Variants in C22orf42 observed in about 807,000 individuals in gnomAD.
The protein encoded by C22orf42 is chromosome 22 open reading frame 42, also known as uncharacterized protein C22orf42.
Under a neutral mutation model 31.4 loss-of-function variants are expected in C22orf42, and 24 were observed. That is an observed-to-expected ratio of 0.77 (90% CI 0.55 to 1.08). C22orf42 has a LOEUF of 1.08. Among genes scored for constraint, C22orf42 ranks in the 50% least tolerant of loss-of-function variants. The probability of loss-of-function intolerance (pLI) is 0.00; values close to 1 mark genes in which losing one functional copy is unlikely to be tolerated. For synonymous variants in C22orf42, 96 were observed against 112.7 expected, an observed-to-expected ratio of 0.85 and a Z score of 0.94; for missense variants, 276 against 327.3, an observed-to-expected ratio of 0.84 and a Z score of 1.21.
At chr22:32,151,112 A>G (rs2035033920) in intron 5 of C22orf42, 93 bp from the exon 6 acceptor site, 1 of 1,322,652 alleles carries the variant, frequency 7.6e-7, no homozygotes, top group Admixed American at 2.0e-5. Context: ...GTGAAATAAA[A>G]AACCGGATGT....
chr22:32,150,563 A>G, intron 6 of C22orf42, 84 bp from the exon 7 acceptor site: 1 of 1,442,880 alleles, frequency 6.9e-7, no homozygotes, highest in Non-Finnish European at 9.7e-7. Context: ...CCAGGGCTGG[A>G]TCATGTGCAG....
Position 32,151,546 on chromosome 22 carries a change from T to G in C22orf42, c.406A>C (p.Thr136Pro), listed in dbSNP as rs1233649958. The G allele has an allele frequency of 6.2e-7, 1 of 1,613,684 alleles. No homozygotes were observed. The highest frequency in any genetic ancestry group is 8.5e-7 in the Non-Finnish European group (1 of 1,179,672). Residue 136 changes from threonine to proline, a missense_variant, in exon 5 of 9, where the codon ACT becomes CCT. By Grantham distance (38) the Thr-to-Pro change is conservative. Coordinates refer to ENST00000382097, the MANE Select transcript of C22orf42 (RefSeq NM_001010859.3). ...IPEAKHDHRP[T>P]EDVQVSAHGG... ...TGTGCAGACACCTGCACATCTTCAG[T>G]GGGACCTAGGAGAACACAGAGTGAC...
chr22:32,151,250 A>G (rs1383101631), intron 5 of C22orf42, among the ~76,000 whole-genome samples: 3 of 151,998 alleles, frequency 2.0e-5, no homozygotes, highest in Non-Finnish European at 4.4e-5. Flanking sequence ...TTTCAAGGAG[A>G]AAAGGTTGCT....
chr22:32,152,005 G>A, intron 4 of C22orf42, 62 bp downstream of exon 4: 3 of 1,476,506 alleles, frequency 2.0e-6, no homozygotes, highest in Non-Finnish European at 2.8e-6. Flanking sequence ...TACGTTAAAT[G>A]AGTGAATTGT....
In C22orf42 at chr22:32,154,188, T is replaced by C. The variant is rs1416656082; in HGVS notation, c.307+56A>G. The C allele has an allele frequency of 1.6e-4, 250 of 1,599,142 alleles. 3 individuals carry two copies. Among genetic ancestry groups the C allele is most frequent in the South Asian group, 1.1e-3 (100 of 88,406 alleles). On this transcript the variant is annotated intron_variant, in intron 2 of 8. Coordinates refer to ENST00000382097, the MANE Select transcript of C22orf42 (RefSeq NM_001010859.3). ...AGTTTCTCTAATATGGAGCACTGAA[T>C]GAATAAACTGGAATTGTTTGCTTAA...
chr22:32,149,667 A>C (rs192373601), intron 8 of C22orf42, 54 bp from the exon 9 acceptor site: 35,126 of 1,236,032 alleles, frequency 0.028, 599 homozygotes, highest in Non-Finnish European at 0.033. Flanking sequence ...ATATATATAT[A>C]TCTACATATA....
Position 32,151,014 on chromosome 22 carries a change from T to A in C22orf42, c.471A>T (p.Ile157=). The change falls in exon 6 of 9, where the codon ATA becomes ATT. Residue 157 remains isoleucine, a synonymous_variant. Coordinates refer to ENST00000382097, the MANE Select transcript of C22orf42 (RefSeq NM_001010859.3). ...VEENITSDIE[I]SEAKHDHHLV... ...TACGGTGGTCGTGCTTGGCCTCAGA[T>A]ATTTCCTGCAGTAAGAGAAAAGAAA... 6.2e-7 allele frequency: 1 copy of A among 1,612,364 alleles called. No homozygotes were observed. Among genetic ancestry groups the A allele is most frequent in the Non-Finnish European group, 8.5e-7 (1 of 1,179,448 alleles).
Position 32,150,399 on chromosome 22 carries a change from CAGAT to C in C22orf42, c.570_573del (p.Val192LeufsTer6). ...GATGTCATGAAGTCTTCAAGAGAGACAGATAGGCTTTCACTGAGATCCGATGTCA... is the reference window on the plus strand; with the variant it reads ...GATGTCATGAAGTCTTCAAGAGAGACAGGCTTTCACTGAGATCCGATGTCA... On this transcript the variant is annotated frameshift_variant, in exon 7 of 9. Transcript: ENST00000382097. LOFTEE classifies it high-confidence loss of function. The C allele has an allele frequency of 6.2e-7, 1 of 1,614,044 alleles. No homozygotes were observed. Among genetic ancestry groups the C allele is most frequent in the Non-Finnish European group, 8.5e-7 (1 of 1,179,946 alleles).
chr22:32,151,573 G>A (rs1263077893), intron 4 of C22orf42, 22 bp from the exon 5 acceptor site: 2 of 1,611,264 alleles, frequency 1.2e-6, no homozygotes, highest in South Asian at 1.1e-5. Flanking sequence ...CAGAGTGACA[G>A]TCAGTGCATT....
At chr22:32,150,641 AGG>A (rs1455421008) in intron 6 of C22orf42, 162 bp from the exon 7 acceptor site, 1 of 690,136 alleles carries the variant, frequency 1.4e-6, no homozygotes, top group East Asian at 2.7e-5. Flanking sequence ...AGGAAGGCAA[AGG>A]AGAAGGGCAG....
rs370318154 is a variant in C22orf42, at chr22:32,159,211, C to T, written c.5G>A (p.Gly2Glu). 1.2e-6 allele frequency: 2 copies of T among 1,612,966 alleles called. No homozygotes were observed. The highest frequency in any genetic ancestry group is 1.7e-6 in the Non-Finnish European group (2 of 1,179,998). Reference protein sequence around the residue: MGSKLTCCLGPS... With the variant: MESKLTCCLGPS... ...GCCCAGGCAGCAAGTCAGTTTGCTC[C>T]CCATTGGGCACCTAAACACACAAAA... The change falls in exon 1 of 9, where the codon GGG becomes GAG. Residue 2 changes from glycine to glutamate, a missense_variant. By Grantham distance (98) the Gly-to-Glu change is moderately conservative. Coordinates refer to ENST00000382097, the MANE Select transcript of C22orf42 (RefSeq NM_001010859.3).
rs1430674809 is a variant in C22orf42 at position 32,150,985 on chromosome 22, T to C, written c.493+7A>G. The C allele has an allele frequency of 6.2e-7, 1 of 1,610,584 alleles. No homozygotes were observed. The highest frequency in any genetic ancestry group is 1.3e-5 in the African/African-American group (1 of 74,716). On this transcript the variant is annotated splice_region_variant and intron_variant, in intron 6 of 8. Coordinates refer to ENST00000382097, the MANE Select transcript of C22orf42 (RefSeq NM_001010859.3). ...GTAAATAAAGCTGTTTAAAAAAAAATACGTACGGTGGTCGTGCTTGGCCTC... is the reference window on the plus strand; with the variant it reads ...GTAAATAAAGCTGTTTAAAAAAAAACACGTACGGTGGTCGTGCTTGGCCTC...
At chr22:32,149,657 A>C (rs1396301265) in intron 8 of C22orf42, 44 bp from the exon 9 acceptor site, 58 of 1,189,610 alleles carry the variant, frequency 4.9e-5, no homozygotes, top group Non-Finnish European at 6.3e-5. Flanking sequence ...AAAAATATAT[A>C]TATATATATA....
rs889586409 is a variant in C22orf42 at position 32,158,994 on chromosome 22, C to G, written c.222G>C (p.Lys74Asn). Residue 74 changes from lysine (K) to asparagine (N), a missense_variant, in exon 1 of 9, where the codon AAG (lysine) becomes AAC (asparagine). Physicochemically the swap from Lys to Asn is moderately conservative, Grantham distance 94. Coordinates refer to ENST00000382097, the MANE Select transcript of C22orf42 (RefSeq NM_001010859.3). ...CCATGGCTTCTTTACCTTTGGACAT[C>G]TTCAGCATCTTCGGCGTCTTCGGGA... The part of the protein sequence containing the change: ...LSLPKTPKML[K>N]MSKGLDARSK... The G allele has an allele frequency of 6.2e-7, 1 of 1,613,988 alleles. No individual in the cohort carries two copies. Among genetic ancestry groups the G allele is most frequent in the Non-Finnish European group, 8.5e-7 (1 of 1,179,878 alleles).
intron 7 of C22orf42, among the ~76,000 whole-genome samples, 153 bp downstream of exon 7, chr22:32,150,166 C>T (rs1169996868): frequency 1.3e-5 from 2 of 152,004 alleles, no homozygotes; most frequent in African/African-American, 2.4e-5. Flanking sequence ...CGATGGCAAT[C>T]GAATATGATA....
rs28613854 is a variant in C22orf42 at position 32,154,505 on chromosome 22, A to G, written c.233-187T>C. Among the ~76,000 whole-genome samples, 1,463 of 152,332 alleles carry G rather than the reference A, an allele frequency of 9.6e-3. 21 individuals carry two copies. The highest frequency in any genetic ancestry group is 0.034 in the African/African-American group (1,404 of 41,560). On this transcript the variant is annotated intron_variant, in intron 1 of 8. Transcript: ENST00000382097. ...TGAATTAGATTTGGGTTCTTGGAAG[A>G]TTTTGCAAGGTTCGTTGCATTTAAA...
At chr22:32,158,002 A>C (rs368918486) in intron 1 of C22orf42, among the ~76,000 whole-genome samples, 140 of 152,334 alleles carry the variant, frequency 9.2e-4, no homozygotes, top group East Asian at 2.9e-3. Flanking sequence ...GGGCAATGAA[A>C]TCAATAGAAA....
chr22:32,150,478 A>C lies in C22orf42; in HGVS notation c.495T>G (p.His165Gln), dbSNP rs1324075523. The C allele has an allele frequency of 6.2e-7, 1 of 1,614,050 alleles. No individual in the cohort carries two copies. Among genetic ancestry groups the C allele is most frequent in the East Asian group, 2.2e-5 (1 of 44,870 alleles). The change falls in exon 7 of 9, where the codon CAT (histidine) becomes CAG (glutamine). Residue 165 changes from histidine to glutamine, a missense_variant and splice_region_variant. Transcript: ENST00000382097. Reference protein sequence around the residue: ...IEISEAKHDHHLVEDLSESLS... With the variant: ...IEISEAKHDHQLVEDLSESLS... ...GGCTTTCACTGAGATCTTCGACCAA[A>C]TCTAGGAGAACATAGTGACAGTCAG...
At chr22:32,151,631 G>A in intron 4 of C22orf42, 80 bp from the exon 5 acceptor site, 2 of 1,440,456 alleles carry the variant, frequency 1.4e-6, no homozygotes, top group East Asian at 2.3e-5. Flanking sequence ...TGTGGACCGG[G>A]GCTGGAGTGT....
Sources: allele counts gnomAD v4.1 joint callset (sites outside exome capture counted in the v4.1 genomes callset), GRCh38; gene constraint gnomAD v4.1.1; transcripts MANE v1.5; gene names NCBI Gene and HGNC (gene_info 2026-07-23, HGNC 2026-07-21).